The following RNF126 variants were observed in gnomAD, a reference collection of about 807,000 sequenced individuals.
RNF126 encodes the protein ring finger protein 126, also known as E3 ubiquitin-protein ligase RNF126.
RNF126 carries 20 observed loss-of-function variants against 41.9 expected under a neutral mutation model. The ratio of observed to expected loss-of-function variants is 0.48; its 90% confidence interval spans 0.34 to 0.69. The LOEUF is 0.69. RNF126 is among the 30% of genes least tolerant of loss of function. The probability of loss-of-function intolerance (pLI) is 0.01; values close to 1 mark genes in which losing one functional copy is unlikely to be tolerated. For missense variants in RNF126, 433 were observed against 460.6 expected (o/e 0.94, Z 0.55); for synonymous variants, 239 against 202.9 (o/e 1.18, Z -1.51).
At chr19:657,113 C>G (rs2030592817) in intron 1 of RNF126, among the ~76,000 whole-genome samples, 1 of 152,208 alleles carries the variant, frequency 6.6e-6, no homozygotes, top group Non-Finnish European at 1.5e-5. Context: ...ACCACCATCT[C>G]TCCTGCTGGG....
chr19:658,172 G>C (rs974953699), intron 1 of RNF126, among the ~76,000 whole-genome samples: 25 of 152,150 alleles, frequency 1.6e-4, no homozygotes, highest in African/African-American at 6.0e-4. Context: ...AGGGTAGGGG[G>C]GACCCTGCCA....
chr19:651,822 C>T lies in RNF126; in HGVS notation c.232G>A (p.Gly78Ser), dbSNP rs768003782. Residue 78 changes from glycine to serine, a missense_variant, in exon 4 of 9, where the codon GGC (glycine) becomes AGC (serine). By Grantham distance (56) the Gly-to-Ser change is moderately conservative (BLOSUM62 0). This residue lies in a region of RNF126 where 247 missense variants were observed against 224.7 expected (regional missense o/e 1.10). Coordinates refer to ENST00000292363, the MANE Select transcript of RNF126 (RefSeq NM_194460.3). ...VDQHLFTLPQGYGQFAFGIFD... is the reference protein window; with the variant it reads ...VDQHLFTLPQSYGQFAFGIFD... Reference sequence around the variant, plus strand: ...ATGCCGAAAGCAAACTGTCCGTAGCCCTGCGGCAGCGTGAACAGGTGCTGG... The same window carrying T: ...ATGCCGAAAGCAAACTGTCCGTAGCTCTGCGGCAGCGTGAACAGGTGCTGG... The T allele has an allele frequency of 3.7e-6, 6 of 1,611,952 alleles. No homozygotes were observed. The highest frequency in any genetic ancestry group is 2.2e-5 in the East Asian group (1 of 44,850).
chr19:655,780 TTCA>T (rs747476539), intron 1 of RNF126, among the ~76,000 whole-genome samples: 16 of 151,864 alleles, frequency 1.1e-4, no homozygotes, highest in Non-Finnish European at 1.5e-4. Context: ...GGCAGCACAG[TTCA>T]TCATCGTCGT....
At chr19:661,031 G>A (rs3787010) in intron 1 of RNF126, among the ~76,000 whole-genome samples, 2 of 152,362 alleles carry the variant, frequency 1.3e-5, no homozygotes, top group East Asian at 3.9e-4. Context: ...ACTGTTCCAT[G>A]CTGGCTCCCT....
intron 1 of RNF126, among the ~76,000 whole-genome samples, chr19:662,413 G>A (rs1206801357): frequency 6.6e-6 from 1 of 152,188 alleles, no homozygotes; most frequent in African/African-American, 2.4e-5. Flanking sequence ...AGCCCCGGGA[G>A]GGGAGGAACG....
At position 647,761 on chromosome 19, in the gene RNF126, G is replaced by A. The variant is rs1337801496; in HGVS notation, c.*367C>T. ...CTGAACCCCGTGCTTCAGCGCTGGG[G>A]GAGCCGCTGGGCCCCGTCTTCCGCC... On this transcript the variant is annotated 3_prime_UTR_variant, in exon 9 of 9. Transcript: ENST00000292363. 5.8e-6 allele frequency: 2 copies of A among 344,886 alleles called. No homozygotes were observed. The highest frequency in any genetic ancestry group is 1.1e-5 in the Non-Finnish European group (2 of 178,380). The allele number at this position is 344,886 out of a possible 1,614,324, so 21.4% of individuals were successfully genotyped here. A position where few individuals can be genotyped will look rare whatever the true frequency, so the allele number is the denominator to read the frequency against.
At chr19:648,344 T>TGGGGGGGGGGGGGGGGGGGGGGGGGGGG (rs566322132) in intron 8 of RNF126, 28 bp downstream of exon 8, 18 of 289,414 alleles carry the variant, frequency 6.2e-5, no homozygotes, top group South Asian at 2.2e-4. Context: ...GCGGTCGGGG[T>TGGGGGGGGGGGGGGGGGGGGGGGGGGGG]GGGGGGGCGG....
chr19:648,690 C>T (rs988361602), intron 7 of RNF126, among the ~76,000 whole-genome samples, 192 bp downstream of exon 7: 16 of 151,920 alleles, frequency 1.1e-4, no homozygotes, highest in African/African-American at 3.6e-4. Flanking sequence ...TGCTCGAGGC[C>T]GGGTGCGGTG....
intron 1 of RNF126, among the ~76,000 whole-genome samples, chr19:658,922 G>T (rs1227482330): frequency 6.6e-6 from 1 of 152,230 alleles, no homozygotes; most frequent in Non-Finnish European, 1.5e-5. Flanking sequence ...AGTTCTAAGT[G>T]GGAGGAAATT....
chr19:661,423 A>G (rs2030796604), intron 1 of RNF126: 1 of 152,340 alleles, frequency 6.6e-6, no homozygotes, highest in African/African-American at 2.4e-5. Flanking sequence ...AAGCTGGAAG[A>G]GGCAAGAGCG....
rs748050897 is a variant in RNF126, at chr19:657,129, C to T, written c.76-4245G>A. ...CCACCATCTCTCCTGCTGGGTGCAT[C>T]CACAAGGTCAGGCAGCCCCAGAAGG... On this transcript the variant is annotated intron_variant, in intron 1 of 8. Transcript: ENST00000292363. Among the ~76,000 whole-genome samples the T allele has an allele frequency of 2.0e-5, 3 of 152,324 alleles. No individual in the cohort carries two copies. The South Asian group carries it at 6.2e-4, about 32-fold the overall frequency.
At chr19:649,230 G>GGGT in intron 6 of RNF126, 1 of 258,860 alleles carries the variant, frequency 3.9e-6, no homozygotes, top group Non-Finnish European at 7.2e-6. Context: ...TGGGGGGGGG[G>GGGT]GCCGCGCTCC....
chr19:650,128 C>A (rs1353018089), intron 5 of RNF126, 106 bp downstream of exon 5: 9 of 909,172 alleles, frequency 9.9e-6, no homozygotes, highest in Non-Finnish European at 1.5e-5. Context: ...GGACAGGCAC[C>A]CCCTCCTACT....
At chr19:662,588 C>T (rs1452709114) in intron 1 of RNF126, among the ~76,000 whole-genome samples, 1 of 152,122 alleles carries the variant, frequency 6.6e-6, no homozygotes, top group Non-Finnish European at 1.5e-5. Flanking sequence ...GCGGGGGTCC[C>T]CTGGCGTTAT....
chr19:650,400 G>C (rs1055629305), intron 4 of RNF126, 104 bp from the exon 5 acceptor site: 1 of 911,126 alleles, frequency 1.1e-6, no homozygotes, highest in African/African-American at 1.7e-5. Flanking sequence ...GCCAGCATCA[G>C]CTTCTAGATT....
rs1277140825 is a variant in RNF126 at position 652,903 on chromosome 19, G to A, written c.76-19C>T. 2.5e-6 allele frequency: 4 copies of A among 1,610,804 alleles called. No individual in the cohort carries two copies. In the South Asian group the frequency reaches 3.3e-5, roughly 13 times the overall value. Reference sequence around the variant, plus strand: ...TATAATCCTGCAGGAGAGAACAGGAGGCCGGGTCACGGTGACGCCGGCATC... The same window carrying A: ...TATAATCCTGCAGGAGAGAACAGGAAGCCGGGTCACGGTGACGCCGGCATC... On this transcript the variant is annotated intron_variant, in intron 1 of 8. Coordinates refer to ENST00000292363, the MANE Select transcript of RNF126 (RefSeq NM_194460.3).
intron 1 of RNF126, among the ~76,000 whole-genome samples, chr19:657,755 T>C (rs1372466815): frequency 6.6e-6 from 1 of 152,070 alleles, no homozygotes; most frequent in African/African-American, 2.4e-5. Context: ...GGCCAGCCCC[T>C]CCAGGGCCAC....
At chr19:661,706 C>A (rs780696274) in intron 1 of RNF126, among the ~76,000 whole-genome samples, 27 of 152,322 alleles carry the variant, frequency 1.8e-4, no homozygotes, top group Non-Finnish European at 4.0e-4. Context: ...TCTCTACTCC[C>A]GGGGAACTGC....
intron 5 of RNF126, 64 bp downstream of exon 5, chr19:650,170 G>A (rs1401717728): frequency 9.6e-6 from 13 of 1,355,680 alleles, no homozygotes; most frequent in East Asian, 2.6e-5. Context: ...ATGGGGACAG[G>A]CACCCCCACC....
Sources: allele counts gnomAD v4.1 joint callset (sites outside exome capture counted in the v4.1 genomes callset), GRCh38; gene constraint gnomAD v4.1.1; regional missense constraint gnomAD v4.1.1; transcripts MANE v1.5; gene names NCBI Gene and HGNC (gene_info 2026-07-23, HGNC 2026-07-21).